The following ATXN2 variants were observed in gnomAD, a reference collection of about 807,000 sequenced individuals.
ATXN2 encodes the protein ataxin 2, also known as ataxin-2.
ATXN2 carries 37 observed loss-of-function variants against 138.6 expected under a neutral mutation model. The ratio of observed to expected loss-of-function variants is 0.27; its 90% CI spans 0.21 to 0.35. The LOEUF is 0.35. Ranked by LOEUF, ATXN2 falls within the 10% of genes least tolerant of loss-of-function variation. The pLI is 1.00. For missense variants in ATXN2, 1,216 were observed against 1,480.3 expected, an observed-to-expected ratio of 0.82 and a Z score of 2.93; for synonymous variants, 549 against 543.7, an observed-to-expected ratio of 1.01 and a Z score of -0.13.
chr12:111,567,134 G>C (rs1883056139), intron 1 of ATXN2, among the ~76,000 whole-genome samples: 1 of 151,838 alleles, frequency 6.6e-6, no homozygotes, highest in South Asian at 2.1e-4. Context: ...AAAGAAAGTG[G>C]TTTCTTAAGA....
At chr12:111,529,042 A>T (rs1348606502) in intron 5 of ATXN2, among the ~76,000 whole-genome samples, 1 of 152,076 alleles carries the variant, frequency 6.6e-6, no homozygotes, top group South Asian at 2.1e-4. Context: ...CAATCACTGC[A>T]GCCCTGGGCT....
At chr12:111,579,366 G>T (rs1361683534) in intron 1 of ATXN2, among the ~76,000 whole-genome samples, 1 of 152,062 alleles carries the variant, frequency 6.6e-6, no homozygotes, top group African/African-American at 2.4e-5. Context: ...GGGTTCAAGC[G>T]ATTCTCCTGC....
chr12:111,564,865 T>C (rs1031457080), intron 1 of ATXN2: 1 of 152,228 alleles, frequency 6.6e-6, no homozygotes, highest in Non-Finnish European at 1.5e-5. Context: ...AGACAAATTC[T>C]GTAAGAGCTG....
rs1166280952 is a variant in ATXN2, at chr12:111,599,123, G to A, written c.-89C>T. The A allele has an allele frequency of 1.3e-5, 16 of 1,238,630 alleles. No individual in the cohort carries two copies. In the Admixed American group the frequency reaches 1.7e-4, roughly 13 times the overall value. The allele number at this position is 1,238,630 out of a possible 1,614,324, so 76.7% of individuals were successfully genotyped here. On this transcript the variant is annotated 5_prime_UTR_variant, in exon 1 of 25. Coordinates refer to ENST00000673436, the MANE Select transcript of ATXN2 (RefSeq NM_001372574.1). Reference sequence around the variant, plus strand: ...GGAGACGCCGGAACGCGGCGGGGACGCGCGGGCGCCGAGCGGGGAGGCGCG... The same window carrying A: ...GGAGACGCCGGAACGCGGCGGGGACACGCGGGCGCCGAGCGGGGAGGCGCG...
intron 5 of ATXN2, among the ~76,000 whole-genome samples, chr12:111,535,924 C>T (rs1881140763): frequency 6.8e-6 from 1 of 148,002 alleles, no homozygotes; most frequent in Non-Finnish European, 1.5e-5. Flanking sequence ...GGCGTGAACC[C>T]AGGAGGCGGA....
chr12:111,581,725 T>TACGACCATTCTGCTCAGCATCATC (rs1884017119), intron 1 of ATXN2: 2 of 654,518 alleles, frequency 3.1e-6, no homozygotes, highest in African/African-American at 3.6e-5. Context: ...TGCGCATCAT[T>TACGACCATTCTGCTCAGCATCATC]ACGACCATTC....
chr12:111,598,925 C>T lies in ATXN2; in HGVS notation c.110G>A (p.Arg37His). The stretch of plus-strand genomic sequence containing the variant: ...TAGAAGGCCGCTGCCGCCGGGCTTG[C>T]GGACATTGGCAGCCGCGGGCGGCGG... ...QQPPPAAANV[R>H]KPGGSGLLAS... Residue 37 changes from arginine (R) to histidine (H), a missense_variant, in exon 1 of 25, where the codon CGC becomes CAC. Coordinates refer to ENST00000673436, the MANE Select transcript of ATXN2 (RefSeq NM_001372574.1). This position sits in a 1 kb window ranked among gnomAD's most constrained non-coding sequence, Gnocchi z 4.5. The T allele has an allele frequency of 6.6e-7, 1 of 1,511,434 alleles. No homozygotes were observed. Among genetic ancestry groups the T allele is most frequent in the East Asian group, 2.6e-5 (1 of 37,826 alleles). 93.6% of individuals were successfully genotyped at this position (1,511,434 alleles called of 1,614,324 possible).
intron 5 of ATXN2, among the ~76,000 whole-genome samples, chr12:111,529,909 T>G (rs1880722313): frequency 6.6e-6 from 1 of 152,190 alleles, no homozygotes; most frequent in African/African-American, 2.4e-5. Context: ...ATCATTAACA[T>G]CAGATTTAAC....
Position 111,552,167 on chromosome 12 carries a change from CG to C in ATXN2, c.571+112del. On this transcript the variant is annotated intron_variant, in intron 5 of 24. Transcript: ENST00000673436. The surrounding 1 kb of genome is among the most constrained non-coding windows in gnomAD (Gnocchi z 4.1). The stretch of plus-strand genomic sequence containing the variant: ...AAGTGCTAAGATTACAGGAATGAGC[CG>C]CCATACCCAGCCCAGATATTTCTTT... 8.7e-7 allele frequency: 1 copy of C among 1,149,496 alleles called. No homozygotes were observed. The highest frequency in any genetic ancestry group is 1.8e-5 in the South Asian group (1 of 56,098). 71.2% of individuals were successfully genotyped at this position (1,149,496 alleles called of 1,614,324 possible). A position where few individuals can be genotyped will look rare whatever the true frequency, so the allele number is the denominator to read the frequency against.
intron 6 of ATXN2, 93 bp downstream of exon 6, chr12:111,525,099 A>G: frequency 6.9e-7 from 1 of 1,451,992 alleles, no homozygotes; most frequent in African/African-American, 1.4e-5. Flanking sequence ...TCACTACAAT[A>G]ACAACAACAA....
At position 111,552,286 on chromosome 12, in the gene ATXN2, T is replaced by C; in HGVS notation, c.565A>G (p.Lys189Glu). ...QFKDMDSSYA[K>E]RDAFTDSAIS... is the part of the protein sequence containing the mutation. Reference sequence around the variant, plus strand: ...TTAGGAAATCAAAACCCACCTCTTTTTGCATAACTGGAGTCCATATCTTTA... The same window carrying C: ...TTAGGAAATCAAAACCCACCTCTTTCTGCATAACTGGAGTCCATATCTTTA... Residue 189 changes from lysine to glutamate, a missense_variant, in exon 5 of 25, where the codon AAA becomes GAA. By Grantham distance (56) the Lys-to-Glu change is moderately conservative (BLOSUM62 1). Coordinates refer to ENST00000673436, the MANE Select transcript of ATXN2 (RefSeq NM_001372574.1). This position sits in a 1 kb window ranked among gnomAD's most constrained non-coding sequence, Gnocchi z 4.1. 6.3e-7 allele frequency: 1 copy of C among 1,591,320 alleles called. No homozygotes were observed. The highest frequency in any genetic ancestry group is 1.1e-5 in the South Asian group (1 of 87,034).
At chr12:111,533,509 A>G (rs1345467197) in intron 5 of ATXN2, among the ~76,000 whole-genome samples, 5 of 147,306 alleles carry the variant, frequency 3.4e-5, no homozygotes, top group Admixed American at 3.3e-4. Context: ...GATTTCCCAT[A>G]TAATTTTTTT....
intron 1 of ATXN2, among the ~76,000 whole-genome samples, chr12:111,566,476 A>C (rs900033791): frequency 1.3e-5 from 2 of 151,818 alleles, no homozygotes; most frequent in Admixed American, 6.6e-5. Context: ...TACATTCTGT[A>C]AGGCTACTAC....
chr12:111,488,808 A>T, intron 14 of ATXN2, 28 bp from the exon 15 acceptor site: 1 of 1,515,344 alleles, frequency 6.6e-7, no homozygotes, highest in Non-Finnish European at 9.0e-7. Context: ...TTATACTTAA[A>T]TATCTTAAAT....
chr12:111,495,024 G>C (rs1241404169), intron 14 of ATXN2, among the ~76,000 whole-genome samples: 1 of 152,094 alleles, frequency 6.6e-6, no homozygotes, highest in East Asian at 1.9e-4. Flanking sequence ...TTAAAAAAAA[G>C]GCTGGGTGCG....
At position 111,510,707 on chromosome 12, in the gene ATXN2, C is replaced by T. The variant is rs531750068; in HGVS notation, c.1559-125G>A. 145 of 825,932 alleles carry T rather than the reference C, an allele frequency of 1.8e-4. No homozygotes were observed. The African/African-American group carries it at 2.2e-3, about 12-fold the overall frequency. The allele number at this position is 825,932 out of a possible 1,614,324, so 51.2% of individuals were successfully genotyped here. A position where few individuals can be genotyped will look rare whatever the true frequency, so the allele number is the denominator to read the frequency against. Reference sequence around the variant, plus strand: ...TCCTCTCTAGCCCTTACCCTTTATCCCATTACTGTTTTCTTTTCCAAAATG... The same window carrying T: ...TCCTCTCTAGCCCTTACCCTTTATCTCATTACTGTTTTCTTTTCCAAAATG... On this transcript the variant is annotated intron_variant, in intron 11 of 24. Coordinates refer to ENST00000673436, the MANE Select transcript of ATXN2 (RefSeq NM_001372574.1).
At chr12:111,483,391 C>G (rs527540798) in intron 18 of ATXN2, among the ~76,000 whole-genome samples, 1 of 142,142 alleles carries the variant, frequency 7.0e-6, no homozygotes, top group Non-Finnish European at 1.5e-5. Flanking sequence ...CAGTTAATCA[C>G]TCTAAATTAA....
chr12:111,467,787 G>A (rs936187817), intron 20 of ATXN2, among the ~76,000 whole-genome samples: 1 of 152,150 alleles, frequency 6.6e-6, no homozygotes, highest in Non-Finnish European at 1.5e-5. Context: ...GTTCTAGGAA[G>A]TAGTTATGAA....
chr12:111,568,231 A>T (rs537832244), intron 1 of ATXN2, among the ~76,000 whole-genome samples: 2 of 152,296 alleles, frequency 1.3e-5, no homozygotes, highest in South Asian at 4.1e-4. Flanking sequence ...AATGCACTCC[A>T]GCCTGAGTGA....
Sources: allele counts gnomAD v4.1 joint callset (sites outside exome capture counted in the v4.1 genomes callset), GRCh38; gene constraint gnomAD v4.1.1; non-coding constraint Gnocchi (gnomAD v3.1); transcripts MANE v1.5; gene names NCBI Gene and HGNC (gene_info 2026-07-23, HGNC 2026-07-21).